The following IL1RAPL1 variants were observed in gnomAD, a reference collection of about 807,000 sequenced individuals.
The protein encoded by IL1RAPL1 is interleukin-1 receptor accessory protein-like 1.
In IL1RAPL1, 3 loss-of-function variants were observed where a neutral mutation model predicts 48.4. That is an observed-to-expected ratio of 0.06 (90% confidence interval 0.03 to 0.16). The LOEUF (loss-of-function observed/expected upper bound fraction) is 0.16. Among genes scored for constraint, IL1RAPL1 ranks in the 10% least tolerant of loss-of-function variants. The pLI is 1.00. For synonymous variants in IL1RAPL1, 185 were observed against 187.7 expected (o/e 0.99, Z 0.12); for missense variants, 349 against 530.6 (o/e 0.66, Z 3.36).
At chrX:29,951,476 T>C (rs769336350) in intron 9 of IL1RAPL1, among the ~76,000 whole-genome samples, 3 of 111,141 alleles carry the variant, frequency 2.7e-5, no homozygotes, top group Non-Finnish European at 5.7e-5. Flanking sequence ...TCTGGGAAGG[T>C]AAATTTGGTG....
At chrX:29,688,597 C>T (rs181349163) in intron 6 of IL1RAPL1, among the ~76,000 whole-genome samples, 5 of 111,416 alleles carry the variant, frequency 4.5e-5, no homozygotes, top group East Asian at 2.8e-4. Flanking sequence ...GAGGCGGGCA[C>T]GATTGAACCC....
intron 2 of IL1RAPL1, among the ~76,000 whole-genome samples, chrX:28,991,535 G>T (rs893838032): frequency 9.0e-6 from 1 of 111,678 alleles, no homozygotes; most frequent in African/African-American, 3.3e-5. Context: ...GAAATGTTAT[G>T]TATGTCAAGT....
intron 5 of IL1RAPL1, among the ~76,000 whole-genome samples, chrX:29,444,763 G>A (rs951816615): frequency 3.6e-5 from 4 of 111,709 alleles, no homozygotes; most frequent in African/African-American, 1.3e-4. Flanking sequence ...AACAGGTTGA[G>A]GAAAGTATAT....
At chrX:29,483,776 C>T (rs1326575392) in intron 5 of IL1RAPL1, among the ~76,000 whole-genome samples, 1 of 109,360 alleles carries the variant, frequency 9.1e-6, no homozygotes, top group African/African-American at 3.3e-5. Context: ...ACTGCAACCT[C>T]TACCTCCTGG....
At chrX:29,742,664 A>G (rs1928235783) in intron 6 of IL1RAPL1, among the ~76,000 whole-genome samples, 1 of 112,047 alleles carries the variant, frequency 8.9e-6, no homozygotes, top group South Asian at 3.7e-4. Context: ...AAAATCTCAA[A>G]ATCATGAGTT....
rs1569265291 is a variant in IL1RAPL1 at position 29,230,522 on chromosome X, A to AACAAAAAC, written c.83-52415_83-52414insCAAAAACA. Among the ~76,000 whole-genome samples, 357 of 90,823 alleles carry AACAAAAAC rather than the reference A, an allele frequency of 3.9e-3. 10 individuals are homozygous for AACAAAAAC. Among genetic ancestry groups the AACAAAAAC allele is most frequent in the African/African-American group, 0.012 (277 of 23,578 alleles). The allele number at this position is 90,823 out of a possible 115,157, so 78.9% of individuals were successfully genotyped here. A position where few individuals can be genotyped will look rare whatever the true frequency, so the allele number is the denominator to read the frequency against. Reference sequence around the variant, plus strand: ...CCTTTACCAAAAAAAAAAAAAAAAAAAAAAAAAAAAAAACCTTGTTGTCTC... The same window carrying AACAAAAAC: ...CCTTTACCAAAAAAAAAAAAAAAAAAACAAAAACAAAAAAAAAAAAACCTTGTTGTCTC... On this transcript the variant is annotated intron_variant, in intron 2 of 10. Coordinates refer to ENST00000378993, the MANE Select transcript of IL1RAPL1 (RefSeq NM_014271.4).
intron 2 of IL1RAPL1, among the ~76,000 whole-genome samples, chrX:28,910,245 C>G (rs774600981): frequency 9.0e-6 from 1 of 111,135 alleles, no homozygotes; most frequent in Non-Finnish European, 1.9e-5. Context: ...TTTATTTGAT[C>G]TGAGAATCAC....
chrX:29,920,400 C>T (rs779555641), intron 8 of IL1RAPL1, among the ~76,000 whole-genome samples: 15 of 111,100 alleles, frequency 1.4e-4, no homozygotes, highest in Non-Finnish European at 2.6e-4. Context: ...TAGTATCAAC[C>T]CTTCAGTATG....
At chrX:29,069,007 C>G (rs867802856) in intron 2 of IL1RAPL1, among the ~76,000 whole-genome samples, 1 of 111,831 alleles carries the variant, frequency 8.9e-6, no homozygotes, top group Non-Finnish European at 1.9e-5. Flanking sequence ...TAGTGTGTTT[C>G]CTCCCTAAGC....
intron 2 of IL1RAPL1, among the ~76,000 whole-genome samples, chrX:28,818,503 T>A (rs888130848): frequency 9.0e-6 from 1 of 110,509 alleles, no homozygotes; most frequent in Non-Finnish European, 1.9e-5. Flanking sequence ...TGTAAGAATT[T>A]GATTTAATTT....
At chrX:29,902,742 G>T (rs1932519500) in intron 6 of IL1RAPL1, among the ~76,000 whole-genome samples, 1 of 111,512 alleles carries the variant, frequency 9.0e-6, no homozygotes, top group African/African-American at 3.3e-5. Context: ...CAAGTTATTT[G>T]TTGTTACTTA....
intron 6 of IL1RAPL1, among the ~76,000 whole-genome samples, chrX:29,805,759 C>T (rs1014723666): frequency 1.8e-5 from 2 of 109,964 alleles, no homozygotes; most frequent in Non-Finnish European, 3.8e-5. Flanking sequence ...TAGAAAGAAA[C>T]CTTGGAGATG....
intron 5 of IL1RAPL1, among the ~76,000 whole-genome samples, chrX:29,663,332 A>G (rs975785762): frequency 1.8e-5 from 2 of 112,609 alleles, no homozygotes; most frequent in Non-Finnish European, 3.8e-5. Flanking sequence ...TAAATCTGTG[A>G]ATATTTTTCG....
chrX:29,261,244 C>G (rs1339246142), intron 2 of IL1RAPL1, among the ~76,000 whole-genome samples: 2 of 110,696 alleles, frequency 1.8e-5, no homozygotes, highest in East Asian at 5.7e-4. Context: ...TTTCAGATTG[C>G]TGTGATTTTT....
intron 2 of IL1RAPL1, among the ~76,000 whole-genome samples, chrX:28,882,366 C>T (rs771862047): frequency 9.0e-6 from 1 of 111,498 alleles, no homozygotes; most frequent in Non-Finnish European, 1.9e-5. Context: ...AAAGAGAGGC[C>T]GGGCATGGTG....
At chrX:29,408,872 G>A (rs1172920658) in intron 5 of IL1RAPL1, among the ~76,000 whole-genome samples, 1 of 111,661 alleles carries the variant, frequency 9.0e-6, no homozygotes, top group Admixed American at 9.5e-5. Flanking sequence ...TTACTCCACT[G>A]GATAATTAAT....
intron 6 of IL1RAPL1, among the ~76,000 whole-genome samples, chrX:29,702,229 C>T (rs76265167): frequency 9.6e-6 from 1 of 104,354 alleles, no homozygotes. Context: ...ACTCCAGCCT[C>T]GGCAACAGGG....
At chrX:29,074,585 T>C (rs1255414354) in intron 2 of IL1RAPL1, among the ~76,000 whole-genome samples, 8 of 112,262 alleles carry the variant, frequency 7.1e-5, no homozygotes, top group Non-Finnish European at 9.4e-5. Context: ...TGCTGTTCTT[T>C]AGACTTCTTT....
chrX:29,666,659 A>G (rs909512238), intron 5 of IL1RAPL1, among the ~76,000 whole-genome samples: 1 of 110,121 alleles, frequency 9.1e-6, no homozygotes, highest in Non-Finnish European at 1.9e-5. Flanking sequence ...TTTCTGAACA[A>G]ATGTACTGCA....
Sources: allele counts gnomAD v4.1 joint callset (sites outside exome capture counted in the v4.1 genomes callset), GRCh38; gene constraint gnomAD v4.1.1; transcripts MANE v1.5; gene names NCBI Gene and HGNC (gene_info 2026-07-23, HGNC 2026-07-21).